RNASET2: variants seen among roughly 807,000 people sequenced by gnomAD.
RNASET2 encodes the protein ribonuclease 6.
Under a neutral mutation model 33.9 loss-of-function variants are expected in RNASET2, and 28 were observed. The ratio of observed to expected loss-of-function variants is 0.83; its 90% CI spans 0.61 to 1.13. RNASET2 has a LOEUF of 1.13. Ranked by LOEUF, RNASET2 falls within the 50% of genes most tolerant of loss-of-function variation. The pLI is 0.00. For synonymous variants in RNASET2, 123 were observed against 121.0 expected (o/e 1.02, Z -0.11); for missense variants, 330 against 319.9 (o/e 1.03, Z -0.24).
intron 2 of RNASET2, among the ~76,000 whole-genome samples, chr6:166,950,224 C>T (rs917598293): frequency 1.4e-5 from 2 of 139,946 alleles, no homozygotes; most frequent in African/African-American, 5.9e-5. Context: ...GTCCTTCTTC[C>T]GTAGGAACCA....
At position 166,934,119 on chromosome 6, in the gene RNASET2, C is replaced by A; in HGVS notation, c.464G>T (p.Gly155Val). The change falls in exon 7 of 9, where the codon GGG becomes GTG. Residue 155 changes from glycine to valine, a missense_variant. Gly to Val is a moderately radical substitution (Grantham distance 109). Transcript: ENST00000508775. ...LDLNSVLLKLGIKPSINYYQV... is the reference protein window; with the variant it reads ...LDLNSVLLKLVIKPSINYYQV... Reference sequence around the variant, plus strand: ...GTAGTAATTGATGGATGGTTTTATCCCCAATTTTAGAAGCACACTAAAATT... The same window carrying A: ...GTAGTAATTGATGGATGGTTTTATCACCAATTTTAGAAGCACACTAAAATT... 6.2e-7 allele frequency: 1 copy of A among 1,607,108 alleles called. No individual in the cohort carries two copies. Among genetic ancestry groups the A allele is most frequent in the Non-Finnish European group, 8.5e-7 (1 of 1,173,972 alleles).
intron 2 of RNASET2, 55 bp downstream of exon 2, chr6:166,952,433 C>T (rs79003863): frequency 1.3e-6 from 2 of 1,502,202 alleles, no homozygotes; most frequent in East Asian, 2.3e-5. Context: ...TGCACACAAA[C>T]CCCTCTTCAC....
At chr6:166,951,262 G>C (rs1398980670) in intron 2 of RNASET2, among the ~76,000 whole-genome samples, 1 of 152,248 alleles carries the variant, frequency 6.6e-6, no homozygotes, top group Admixed American at 6.5e-5. Flanking sequence ...CTGCTATCTA[G>C]AAGGCAGAGC....
intron 8 of RNASET2, 131 bp downstream of exon 8, chr6:166,930,913 G>T: frequency 1.3e-6 from 1 of 758,042 alleles, no homozygotes. Context: ...CACACCACAT[G>T]CCCACATATA....
chr6:166,956,147 G>A lies in RNASET2; in HGVS notation c.36C>T (p.Gly12=). The A allele has an allele frequency of 6.4e-7, 1 of 1,550,796 alleles. No individual in the cohort carries two copies. The highest frequency in any genetic ancestry group is 8.7e-7 in the Non-Finnish European group (1 of 1,146,832). The change falls in exon 1 of 9, where the codon GGC becomes GGT. Residue 12 remains glycine, a synonymous_variant. Coordinates refer to ENST00000508775, the MANE Select transcript of RNASET2 (RefSeq NM_003730.6). Reference sequence around the variant, plus strand: ...GGCAAAGCAACGCCAGGCAGAGGCAGCCCAGCAGGGCCCCGCGCAGGGCTG... The same window carrying A: ...GGCAAAGCAACGCCAGGCAGAGGCAACCCAGCAGGGCCCCGCGCAGGGCTG... ...RPAALRGALL[G]CLCLALLCLG... is the part of the protein sequence containing the mutation.
rs144605753 is a variant in RNASET2 at position 166,942,962 on chromosome 6, C to T, written c.332+57G>A. On this transcript the variant is annotated intron_variant, in intron 5 of 8. Transcript: ENST00000508775. ...AGTTTCCACTTCTAGCGATTCATCACGCTCCCCACACCCGCTCAGACAGTA... is the reference window on the plus strand; with the variant it reads ...AGTTTCCACTTCTAGCGATTCATCATGCTCCCCACACCCGCTCAGACAGTA... 4.5e-4 allele frequency: 638 copies of T among 1,407,112 alleles called. 4 individuals are homozygous for T. Among genetic ancestry groups the T allele is most frequent in the South Asian group, 1.5e-3 (130 of 85,314 alleles). 87.2% of individuals were successfully genotyped at this position (1,407,112 alleles called of 1,614,324 possible).
chr6:166,954,467 C>G (rs1341193379), intron 1 of RNASET2, among the ~76,000 whole-genome samples: 1 of 152,210 alleles, frequency 6.6e-6, no homozygotes, highest in Non-Finnish European at 1.5e-5. Flanking sequence ...GTTACTATTT[C>G]TACTTTACAG....
At position 166,922,690 on chromosome 6, in the gene RNASET2, T is replaced by C. The variant is rs2128642352; in HGVS notation, c.*6898A>G. Among the ~76,000 whole-genome samples, 1 of 152,342 alleles carries C rather than the reference T, an allele frequency of 6.6e-6. No homozygotes were observed. Among genetic ancestry groups the C allele is most frequent in the Non-Finnish European group, 1.5e-5 (1 of 68,026 alleles). On this transcript the variant is annotated 3_prime_UTR_variant, in exon 9 of 9. Coordinates refer to ENST00000508775, the MANE Select transcript of RNASET2 (RefSeq NM_003730.6). ...ATGACTTTTGATGTATGTTGTTATCTTTGGGCCACTGCTGACTATCTTTTC... is the reference window on the plus strand; with the variant it reads ...ATGACTTTTGATGTATGTTGTTATCCTTGGGCCACTGCTGACTATCTTTTC...
chr6:166,955,286 ACACGCACAGACGCG>A (rs1779108017), intron 1 of RNASET2, among the ~76,000 whole-genome samples: 5 of 59,492 alleles, frequency 8.4e-5, no homozygotes, highest in African/African-American at 4.3e-4. Flanking sequence ...CACACGACAC[ACACGCACAGACGCG>A]CACACACGAC....
rs756315773 is a variant in RNASET2, at chr6:166,931,035, CTG to C, written c.567+7_567+8del. ...AGAAAAAAAGGAAGACAAAACATAA[CTG>C]TCTAACCTGGCTTGGTGGAAGGCAC... On this transcript the variant is annotated splice_region_variant and intron_variant, in intron 8 of 8. Coordinates refer to ENST00000508775, the MANE Select transcript of RNASET2 (RefSeq NM_003730.6). The C allele has an allele frequency of 5.0e-6, 8 of 1,597,480 alleles. No individual in the cohort carries two copies. Among genetic ancestry groups the C allele is most frequent in the Middle Eastern group, 1.7e-4 (1 of 6,046 alleles).
rs562990544 is a variant in RNASET2, at chr6:166,924,091, T to C, written c.*5497A>G. On this transcript the variant is annotated 3_prime_UTR_variant, in exon 9 of 9. Transcript: ENST00000508775. ...AGGCACCTTCCACTGGGACCAGTGCTGCATTCTCTTTTTTTCTTTTTTTGA... is the reference window on the plus strand; with the variant it reads ...AGGCACCTTCCACTGGGACCAGTGCCGCATTCTCTTTTTTTCTTTTTTTGA... Among the ~76,000 whole-genome samples, 1 of 152,336 alleles carries C rather than the reference T, an allele frequency of 6.6e-6. No individual in the cohort carries two copies. The highest frequency in any genetic ancestry group is 1.9e-4 in the East Asian group (1 of 5,190).
intron 8 of RNASET2, 138 bp from the exon 9 acceptor site, chr6:166,929,929 G>C (rs540477906): frequency 1.2e-6 from 1 of 820,864 alleles, no homozygotes; most frequent in East Asian, 2.6e-5. Context: ...TTCCAAGAAC[G>C]GACCCCTTCA....
chr6:166,955,308 GA>G lies in RNASET2; in HGVS notation c.86+788del, dbSNP rs1417560032. On this transcript the variant is annotated intron_variant, in intron 1 of 8. Coordinates refer to ENST00000508775, the MANE Select transcript of RNASET2 (RefSeq NM_003730.6). ...CACACACGCACAGACGCGCACACAC[GA>G]CACACACGCACACACACGCACGCAC... Among the ~76,000 whole-genome samples, 46 of 36,952 alleles carry G rather than the reference GA, an allele frequency of 1.2e-3. 2 individuals carry two copies. The highest frequency in any genetic ancestry group is 3.5e-3 in the African/African-American group (27 of 7,802). 24.2% of individuals were successfully genotyped at this position (36,952 alleles called of 152,430 possible).
intron 6 of RNASET2, chr6:166,935,021 G>A (rs1380772994): frequency 1.3e-5 from 2 of 152,168 alleles, no homozygotes; most frequent in African/African-American, 4.8e-5. Context: ...CACGATCACA[G>A]AGTGGACACA....
At position 166,927,713 on chromosome 6, in the gene RNASET2, C is replaced by CAAAAAAAAAAAAAAAA. The variant is rs58837223; in HGVS notation, c.*1859_*1874dup. 4.9e-4 allele frequency among the ~76,000 whole-genome samples: 23 copies of CAAAAAAAAAAAAAAAA among 47,342 alleles called. No homozygotes were observed. Among genetic ancestry groups the CAAAAAAAAAAAAAAAA allele is most frequent in the African/African-American group, 1.4e-3 (16 of 11,666 alleles). The allele number at this position is 47,342 out of a possible 152,430, so 31.1% of individuals were successfully genotyped here. A position where few individuals can be genotyped will look rare whatever the true frequency, so the allele number is the denominator to read the frequency against. On this transcript the variant is annotated 3_prime_UTR_variant, in exon 9 of 9. Transcript: ENST00000508775. ...TGATCCCTGTGTTCGCAAAATGACT[C>CAAAAAAAAAAAAAAAA]AAAAAAAAAAAAAAAAAAAAAAAGA... is the stretch of plus-strand genomic sequence containing the variant.
intron 6 of RNASET2, among the ~76,000 whole-genome samples, chr6:166,936,857 T>C (rs954943258): frequency 6.6e-6 from 1 of 152,222 alleles, no homozygotes; most frequent in African/African-American, 2.4e-5. Context: ...GATACAGAGA[T>C]GAATTATTTA....
At chr6:166,940,655 T>G (rs558162670) in intron 5 of RNASET2, among the ~76,000 whole-genome samples, 8 of 152,338 alleles carry the variant, frequency 5.3e-5, no homozygotes, top group African/African-American at 1.9e-4. Flanking sequence ...TCATTATTCC[T>G]GGAGCAAGCT....
intron 1 of RNASET2, among the ~76,000 whole-genome samples, chr6:166,955,154 C>T (rs555673848): frequency 6.6e-6 from 1 of 152,040 alleles, no homozygotes; most frequent in African/African-American, 2.4e-5. Flanking sequence ...CCTGTTTACC[C>T]CTAATTAATT....
At chr6:166,954,392 A>G (rs1463186430) in intron 1 of RNASET2, among the ~76,000 whole-genome samples, 1 of 152,260 alleles carries the variant, frequency 6.6e-6, no homozygotes, top group Admixed American at 6.5e-5. Context: ...CCAGCCAGAC[A>G]TCATTCCAAG....
Sources: gnomAD v4.1 joint callset for allele counts (sites outside exome capture counted in the v4.1 genomes callset) on GRCh38, gnomAD v4.1.1 for gene constraint, MANE v1.5 for transcripts, NCBI Gene and HGNC (gene_info 2026-07-23, HGNC 2026-07-21) for gene names.